DPP10: variants seen among roughly 807,000 people sequenced by gnomAD.
The protein encoded by DPP10 is dipeptidyl peptidase like 10.
Under a neutral mutation model 120.9 loss-of-function variants are expected in DPP10, and 33 were observed. The ratio of observed to expected loss-of-function variants is 0.27; its 90% CI spans 0.21 to 0.37. The LOEUF (loss-of-function observed/expected upper bound fraction) is 0.37, where lower values mean the gene tolerates loss of function less well. Among genes scored for constraint, DPP10 ranks in the 10% least tolerant of loss-of-function variants. DPP10 has a pLI of 1.00. For missense variants in DPP10, 816 were observed against 942.8 expected, an observed-to-expected ratio of 0.87 and a Z score of 1.76; for synonymous variants, 337 against 326.1, an observed-to-expected ratio of 1.03 and a Z score of -0.36.
At chr2:115,405,521 C>T (rs542390769) in intron 3 of DPP10, among the ~76,000 whole-genome samples, 27 of 152,134 alleles carry the variant, frequency 1.8e-4, no homozygotes, top group Non-Finnish European at 3.8e-4. Flanking sequence ...AGGGAAGTGG[C>T]CCTGCTCCCA....
At chr2:114,570,304 T>C (rs929451589) in intron 1 of DPP10, among the ~76,000 whole-genome samples, 3 of 151,972 alleles carry the variant, frequency 2.0e-5, no homozygotes, top group African/African-American at 7.3e-5. Flanking sequence ...AAACCTGGAG[T>C]GTAGTCTGGG....
At chr2:115,382,624 C>G (rs1288172888) in intron 3 of DPP10, among the ~76,000 whole-genome samples, 1 of 152,048 alleles carries the variant, frequency 6.6e-6, no homozygotes, top group African/African-American at 2.4e-5. Flanking sequence ...GAAAATAGGT[C>G]TCTTCCTAGA....
At chr2:115,159,107 AGAGAAT>A (rs1388797087) in intron 1 of DPP10, among the ~76,000 whole-genome samples, 8 of 152,206 alleles carry the variant, frequency 5.3e-5, no homozygotes, top group Non-Finnish European at 1.0e-4. Context: ...ACAAAAACTT[AGAGAAT>A]GAGAATATCT....
intron 3 of DPP10, among the ~76,000 whole-genome samples, chr2:115,453,311 ATTCTT>A (rs1286566285): frequency 6.6e-6 from 1 of 151,398 alleles, no homozygotes; most frequent in African/African-American, 2.4e-5. Flanking sequence ...CTCTTTTTTT[ATTCTT>A]TTCTTGCCTT....
chr2:115,157,896 A>G (rs1390070881), intron 1 of DPP10, among the ~76,000 whole-genome samples: 1 of 152,232 alleles, frequency 6.6e-6, no homozygotes, highest in Non-Finnish European at 1.5e-5. Flanking sequence ...TGGTCTTTAC[A>G]TGACACTGCA....
At chr2:115,841,532 T>G (rs936022657) in intron 25 of DPP10, among the ~76,000 whole-genome samples, 3 of 152,114 alleles carry the variant, frequency 2.0e-5, no homozygotes, top group African/African-American at 7.2e-5. Flanking sequence ...AAACACAAAC[T>G]ACCACGTTTA....
At chr2:115,376,360 G>A (rs1478398354) in intron 3 of DPP10, among the ~76,000 whole-genome samples, 2 of 152,046 alleles carry the variant, frequency 1.3e-5, no homozygotes, top group East Asian at 3.9e-4. Context: ...AGGAAAAGGT[G>A]TAATTTCACA....
At position 114,442,664 on chromosome 2, in the gene DPP10, TAGCAGCGGCAGCAGCAACAGCAGC is replaced by T; in HGVS notation, c.-111_-88del. On this transcript the variant is annotated 5_prime_UTR_variant, in exon 1 of 26. Transcript: ENST00000410059. ...ACAGAAGCAGCAGAAGCAACAGCAG[TAGCAGCGGCAGCAGCAACAGCAGC>T]AGCCCCTACTGAAGTCCAATAGAGG... 1 of 1,166,474 alleles carries T rather than the reference TAGCAGCGGCAGCAGCAACAGCAGC, an allele frequency of 8.6e-7. No individual in the cohort carries two copies. Among genetic ancestry groups the T allele is most frequent in the South Asian group, 1.3e-5 (1 of 75,310 alleles). The allele number at this position is 1,166,474 out of a possible 1,614,324, so 72.3% of individuals were successfully genotyped here.
rs539232679 is a variant in DPP10 at position 115,761,194 on chromosome 2, G to A, written c.1075-1378G>A. On this transcript the variant is annotated intron_variant, in intron 11 of 25. Coordinates refer to ENST00000410059, the MANE Select transcript of DPP10 (RefSeq NM_020868.6). Reference sequence around the variant, plus strand: ...GGCCAAGTGGGGAGAATGGCTTGAGGCTGAGTTCAAGACCTACCTGGGCAA... The same window carrying A: ...GGCCAAGTGGGGAGAATGGCTTGAGACTGAGTTCAAGACCTACCTGGGCAA... 9.8e-4 allele frequency among the ~76,000 whole-genome samples: 148 copies of A among 151,440 alleles called. 1 individual carries two copies. Among genetic ancestry groups the A allele is most frequent in the African/African-American group, 3.3e-3 (137 of 41,252 alleles).
At chr2:115,534,863 T>G (rs2148934597) in intron 5 of DPP10, among the ~76,000 whole-genome samples, 1 of 152,174 alleles carries the variant, frequency 6.6e-6, no homozygotes, top group East Asian at 1.9e-4. Context: ...TGATGGCCAG[T>G]GATGGTGAGC....
chr2:115,625,311 A>ATTGT (rs1477053503), intron 5 of DPP10, among the ~76,000 whole-genome samples: 1 of 152,136 alleles, frequency 6.6e-6, no homozygotes, highest in Non-Finnish European at 1.5e-5. Flanking sequence ...TCAGTATTTA[A>ATTGT]AATTACTGTA....
At chr2:115,215,239 T>C (rs774497717) in intron 1 of DPP10, among the ~76,000 whole-genome samples, 9 of 152,200 alleles carry the variant, frequency 5.9e-5, no homozygotes, top group Admixed American at 1.3e-4. Context: ...TAACTTATGA[T>C]ATTTGTCCAA....
chr2:115,305,627 A>T (rs144233089), intron 1 of DPP10, among the ~76,000 whole-genome samples: 43 of 152,086 alleles, frequency 2.8e-4, no homozygotes, highest in African/African-American at 1.0e-3. Context: ...CATCCTAGCT[A>T]CTCAGAAGGC....
At chr2:115,758,391 A>C (rs1285182802) in intron 11 of DPP10, among the ~76,000 whole-genome samples, 1 of 152,152 alleles carries the variant, frequency 6.6e-6, no homozygotes, top group Non-Finnish European at 1.5e-5. Flanking sequence ...TTATAAACTT[A>C]ACAAATATTG....
rs143555828 is a variant in DPP10, at chr2:115,157,804, G to A, written c.61-151435G>A. Among the ~76,000 whole-genome samples the A allele has an allele frequency of 1.5e-3, 221 of 152,302 alleles. 1 individual carries two copies. Among genetic ancestry groups the A allele is most frequent in the African/African-American group, 5.2e-3 (216 of 41,562 alleles). ...GGCCAAGTCTCTGAAGACACAGCTC[G>A]TGAACTCTGTCTTCTTGATGCTGTG... is the stretch of plus-strand genomic sequence containing the variant. On this transcript the variant is annotated intron_variant, in intron 1 of 25. Transcript: ENST00000410059.
At chr2:115,556,534 A>C (rs139623799) in intron 5 of DPP10, among the ~76,000 whole-genome samples, 2 of 152,166 alleles carry the variant, frequency 1.3e-5, no homozygotes, top group African/African-American at 4.8e-5. Context: ...GCTGTGCTGA[A>C]AATTGACAGC....
chr2:115,289,594 A>G (rs180931020), intron 1 of DPP10, among the ~76,000 whole-genome samples: 1 of 152,236 alleles, frequency 6.6e-6, no homozygotes, highest in African/African-American at 2.4e-5. Context: ...ACTCATTTCC[A>G]ATTGTACTAC....
chr2:115,431,539 A>T (rs1444964573), intron 3 of DPP10, among the ~76,000 whole-genome samples: 1 of 152,160 alleles, frequency 6.6e-6, no homozygotes, highest in Non-Finnish European at 1.5e-5. Context: ...AAAGCCAATG[A>T]TCTCTGAGTG....
chr2:115,442,714 C>T (rs1233518002), intron 3 of DPP10, among the ~76,000 whole-genome samples: 1 of 152,098 alleles, frequency 6.6e-6, no homozygotes, highest in East Asian at 1.9e-4. Flanking sequence ...TTGTCCTTTT[C>T]AGATCTATGT....
Sources: allele counts gnomAD v4.1 joint callset (sites outside exome capture counted in the v4.1 genomes callset), GRCh38; gene constraint gnomAD v4.1.1; transcripts MANE v1.5; gene names NCBI Gene and HGNC (gene_info 2026-07-23, HGNC 2026-07-21).